The following CCDC180 variants were observed in gnomAD, a reference collection of about 807,000 sequenced individuals.
The protein encoded by CCDC180 is coiled-coil domain-containing protein 180.
Under a neutral mutation model 209.2 loss-of-function variants are expected in CCDC180, and 154 were observed. That is an observed-to-expected ratio of 0.74 (90% confidence interval 0.65 to 0.84). The LOEUF (loss-of-function observed/expected upper bound fraction) is 0.84, where lower values mean the gene tolerates loss of function less well. Ranked by LOEUF, CCDC180 falls within the 40% of genes least tolerant of loss-of-function variation. The probability of loss-of-function intolerance (pLI) is 0.00; values close to 1 mark genes in which losing one functional copy is unlikely to be tolerated. For synonymous variants in CCDC180, 778 were observed against 749.1 expected (o/e 1.04, Z -0.63); for missense variants, 1,874 against 1,997.3 (o/e 0.94, Z 1.18).
In CCDC180 at chr9:97,320,143, G is replaced by C. The variant is rs759412388; in HGVS notation, c.1097G>C (p.Ser366Thr). The C allele has an allele frequency of 6.2e-7, 1 of 1,614,096 alleles. No individual in the cohort carries two copies. Among genetic ancestry groups the C allele is most frequent in the East Asian group, 2.2e-5 (1 of 44,872 alleles). Residue 366 changes from serine to threonine, a missense_variant, in exon 11 of 37, where the codon AGT becomes ACT. Coordinates refer to ENST00000529487, the MANE Select transcript of CCDC180 (RefSeq NM_020893.6). The stretch of plus-strand genomic sequence containing the variant: ...CTTCCCAGTGACCTCCTGCCCCCCA[G>C]TTACAGCAAAACTCAGCTGACTGAG... The part of the protein sequence containing the change: ...LCTICDLLPP[S>T]YSKTQLTEWH...
Position 97,363,944 on chromosome 9 carries a change from C to T in CCDC180, c.3903-107C>T, listed in dbSNP as rs561337178. 20 of 1,054,712 alleles carry T rather than the reference C, an allele frequency of 1.9e-5. 1 individual carries two copies. The highest frequency in any genetic ancestry group is 8.3e-5 in the South Asian group (6 of 72,490). 65.3% of individuals were successfully genotyped at this position (1,054,712 alleles called of 1,614,324 possible). A position where few individuals can be genotyped will look rare whatever the true frequency, so the allele number is the denominator to read the frequency against. ...CTAGAAATGGAAGTCCGGTTGCCCA[C>T]GGGCAGGCCCAATGCCTCCAGAAAC... On this transcript the variant is annotated intron_variant, in intron 28 of 36. Transcript: ENST00000529487.
intron 29 of CCDC180, 69 bp downstream of exon 29, chr9:97,364,197 C>A: frequency 6.9e-7 from 1 of 1,445,194 alleles, no homozygotes; most frequent in Non-Finnish European, 9.6e-7. Flanking sequence ...GCAAATGTGA[C>A]TCAGCTGAGG....
At chr9:97,319,655 G>A (rs1157034840) in intron 10 of CCDC180, among the ~76,000 whole-genome samples, 2 of 152,330 alleles carry the variant, frequency 1.3e-5, no homozygotes, top group South Asian at 2.1e-4. Context: ...CGAAGGCCAT[G>A]ATCTCATTCT....
chr9:97,339,352 G>C (rs1826006432), intron 18 of CCDC180, among the ~76,000 whole-genome samples: 1 of 152,274 alleles, frequency 6.6e-6, no homozygotes, highest in South Asian at 2.1e-4. Context: ...AGGCAGGCCT[G>C]GTGGTGACAA....
At chr9:97,322,766 G>T in intron 11 of CCDC180, 67 bp from the exon 12 acceptor site, 1 of 1,413,578 alleles carries the variant, frequency 7.1e-7, no homozygotes, top group South Asian at 1.1e-5. Context: ...CCTTTGCAAA[G>T]GGGACACTCC....
chr9:97,365,312 GTC>G (rs550227401), intron 29 of CCDC180: 2 of 207,544 alleles, frequency 9.6e-6, no homozygotes, highest in Non-Finnish European at 2.0e-5. Context: ...GGCCTTTACA[GTC>G]TGCTGGGAGA....
intron 8 of CCDC180, among the ~76,000 whole-genome samples, chr9:97,315,971 A>G (rs1833159071): frequency 6.6e-6 from 1 of 152,256 alleles, no homozygotes; most frequent in Non-Finnish European, 1.5e-5. Flanking sequence ...AACCCATCAT[A>G]AAGTTGAAAA....
chr9:97,375,048 A>G (rs556130458), intron 35 of CCDC180, among the ~76,000 whole-genome samples: 4 of 152,292 alleles, frequency 2.6e-5, no homozygotes, highest in Admixed American at 6.5e-5. Context: ...GTGCCCCAAG[A>G]GTGTGACTCT....
intron 21 of CCDC180, among the ~76,000 whole-genome samples, chr9:97,349,503 A>G (rs1216938351): frequency 6.6e-6 from 1 of 152,212 alleles, no homozygotes; most frequent in Non-Finnish European, 1.5e-5. Flanking sequence ...AGAGCAAAGT[A>G]TATGCACAGG....
intron 27 of CCDC180, 57 bp from the exon 28 acceptor site, chr9:97,362,139 C>A: frequency 1.3e-6 from 2 of 1,569,224 alleles, no homozygotes; most frequent in Non-Finnish European, 1.7e-6. Flanking sequence ...CAGAGCCTGG[C>A]CTGAGCTACC....
Position 97,359,984 on chromosome 9 carries a change from A to G in CCDC180, c.3366A>G (p.Thr1122=), listed in dbSNP as rs1487160090. The G allele has an allele frequency of 2.5e-6, 4 of 1,613,632 alleles. No individual in the cohort carries two copies. In the Admixed American group the frequency reaches 5.0e-5, roughly 20 times the overall value. ...TTCTTCCTCCCTTTTCTCACCAGACAGTGACCACAGAAGAACTCCTCAGCT... is the reference window on the plus strand; with the variant it reads ...TTCTTCCTCCCTTTTCTCACCAGACGGTGACCACAGAAGAACTCCTCAGCT... ...TCQESRGEKT[T]VTTEELLSFV... is the part of the protein sequence containing the mutation. The change falls in exon 26 of 37, where the codon ACA becomes ACG. Residue 1122 remains threonine, a splice_region_variant and synonymous_variant. Coordinates refer to ENST00000529487, the MANE Select transcript of CCDC180 (RefSeq NM_020893.6).
intron 19 of CCDC180, chr9:97,345,888 A>G (rs1826251254): frequency 6.5e-6 from 1 of 153,428 alleles, no homozygotes; most frequent in Non-Finnish European, 1.5e-5. Flanking sequence ...TCTTATTTCT[A>G]ATAAGGTCCA....
intron 36 of CCDC180, chr9:97,376,446 C>T (rs192958514): frequency 1.6e-5 from 3 of 190,004 alleles, no homozygotes; most frequent in Admixed American, 5.4e-5. Flanking sequence ...CCTGAGCTCC[C>T]GAGAGGCCAC....
chr9:97,367,538 A>G (rs781126690), intron 31 of CCDC180, among the ~76,000 whole-genome samples: 4 of 151,222 alleles, frequency 2.6e-5, no homozygotes, highest in Non-Finnish European at 2.9e-5. Context: ...ACGATCCGCA[A>G]TCTCGGCTCA....
intron 35 of CCDC180, among the ~76,000 whole-genome samples, chr9:97,375,126 A>G (rs1827212662): frequency 6.6e-6 from 1 of 152,152 alleles, no homozygotes; most frequent in African/African-American, 2.4e-5. Flanking sequence ...GCATCATAGG[A>G]AAAGCATACC....
chr9:97,324,044 T>TAAGGGGGCTACTCTG, intron 13 of CCDC180, 141 bp downstream of exon 13: 1 of 1,024,906 alleles, frequency 9.8e-7, no homozygotes, highest in Non-Finnish European at 1.4e-6. Flanking sequence ...CCTCTCAGAG[T>TAAGGGGGCTACTCTG]AGCCCCCTTA....
intron 20 of CCDC180, among the ~76,000 whole-genome samples, chr9:97,348,859 A>G (rs1826346298): frequency 1.3e-5 from 2 of 152,074 alleles, no homozygotes; most frequent in African/African-American, 2.4e-5. Context: ...CAGACTCTCC[A>G]TCTTCCTGGC....
chr9:97,365,785 C>T (rs748966969), intron 30 of CCDC180, 46 bp downstream of exon 30: 1 of 1,557,500 alleles, frequency 6.4e-7, no homozygotes. Context: ...GAAACCACGC[C>T]TGCCTTCTGC....
intron 8 of CCDC180, among the ~76,000 whole-genome samples, chr9:97,315,214 A>G (rs1833126395): frequency 1.3e-5 from 2 of 152,166 alleles, no homozygotes; most frequent in South Asian, 2.1e-4. Context: ...ATATAGGGCT[A>G]TCGTCTGGAG....
Sources: allele counts gnomAD v4.1 joint callset (sites outside exome capture counted in the v4.1 genomes callset), GRCh38; gene constraint gnomAD v4.1.1; transcripts MANE v1.5; gene names NCBI Gene and HGNC (gene_info 2026-07-23, HGNC 2026-07-21).